Variants in SSC4D observed in about 807,000 individuals in gnomAD.
SSC4D encodes the protein scavenger receptor cysteine rich family member with 4 domains, also known as scavenger receptor cysteine-rich domain-containing group B protein.
Under a neutral mutation model 63.4 loss-of-function variants are expected in SSC4D, and 57 were observed. The ratio of observed to expected loss-of-function variants is 0.90; its 90% CI spans 0.73 to 1.12. The LOEUF (loss-of-function observed/expected upper bound fraction) is 1.12. Among genes scored for constraint, SSC4D ranks in the 50% most tolerant of loss-of-function variants. The probability of loss-of-function intolerance (pLI) is 0.00; values close to 1 mark genes in which losing one functional copy is unlikely to be tolerated. For synonymous variants in SSC4D, 352 were observed against 345.4 expected, an observed-to-expected ratio of 1.02 and a Z score of -0.21; for missense variants, 791 against 806.4, an observed-to-expected ratio of 0.98 and a Z score of 0.23.
At chr7:76,398,664 GGTGTGA>G in intron 5 of SSC4D, 50 bp downstream of exon 5, 1 of 1,538,514 alleles carries the variant, frequency 6.5e-7, no homozygotes, top group Non-Finnish European at 9.0e-7. Flanking sequence ...CCTAGGGTAG[GGTGTGA>G]GAGACTCCTC....
chr7:76,393,597 C>T lies in SSC4D; in HGVS notation c.1141G>A (p.Ala381Thr). ...DDWDFADARVACREAGCGPAL... is the reference protein window; with the variant it reads ...DDWDFADARVTCREAGCGPAL... ...GGCCCGCAGCCCGCTTCGCGGCAGG[C>T]CACGCGCGCGTCCGCAAAGTCCCAG... Residue 381 changes from alanine (A) to threonine (T), a missense_variant, in exon 9 of 11, where the codon GCC becomes ACC. By Grantham distance (58) the Ala-to-Thr change is moderately conservative. Transcript: ENST00000275560. 6.6e-7 allele frequency: 1 copy of T among 1,506,066 alleles called. No individual in the cohort carries two copies. The highest frequency in any genetic ancestry group is 8.8e-7 in the Non-Finnish European group (1 of 1,133,906). The allele number at this position is 1,506,066 out of a possible 1,614,324, so 93.3% of individuals were successfully genotyped here.
intron 4 of SSC4D, among the ~76,000 whole-genome samples, chr7:76,399,869 T>C (rs942282842): frequency 6.6e-6 from 1 of 152,108 alleles, no homozygotes; most frequent in African/African-American, 2.4e-5. Flanking sequence ...GTGGGGTGAC[T>C]TGGACCTGTA....
intron 2 of SSC4D, 70 bp downstream of exon 2, chr7:76,404,237 A>G: frequency 6.8e-7 from 1 of 1,464,034 alleles, no homozygotes; most frequent in Admixed American, 2.7e-5. Context: ...TCCTCCTACT[A>G]TAAAGTTACA....
chr7:76,391,987 AC>A lies in SSC4D; in HGVS notation c.1387del (p.Val463CysfsTer24). The A allele has an allele frequency of 6.3e-7, 1 of 1,594,860 alleles. No individual in the cohort carries two copies. The highest frequency in any genetic ancestry group is 1.8e-5 in the Admixed American group (1 of 56,954). Reference sequence around the variant, plus strand: ...ACCGTCCCTGGGCCGAGGAGTGGGCACCCGCGTGGTCTCAGAACCATCCTGC... The same window carrying A: ...ACCGTCCCTGGGCCGAGGAGTGGGCACCGCGTGGTCTCAGAACCATCCTGC... ...VQQDGSETTR[V>X]PTPRPRDGHL... On this transcript the variant is annotated frameshift_variant, in exon 10 of 11. Coordinates refer to ENST00000275560, the MANE Select transcript of SSC4D (RefSeq NM_080744.2). LOFTEE classifies it high-confidence loss of function.
At chr7:76,400,616 C>T in intron 3 of SSC4D, 25 bp from the exon 4 acceptor site, 1 of 1,432,500 alleles carries the variant, frequency 7.0e-7, no homozygotes, top group Non-Finnish European at 9.2e-7. Flanking sequence ...GAGCTGGCAC[C>T]AGGGGGTCAC....
At chr7:76,391,770 T>C (rs1387946290) in intron 10 of SSC4D, among the ~76,000 whole-genome samples, 194 bp downstream of exon 10, 1 of 152,188 alleles carries the variant, frequency 6.6e-6, no homozygotes, top group Non-Finnish European at 1.5e-5. Flanking sequence ...CAGATTGCTG[T>C]AGTTTAAAGC....
rs1563680895 is a variant in SSC4D, at chr7:76,394,750, T to TATATATATATATATATAAAATATGTATA, written c.946+502_946+503insTATACATATTTTATATATATATATATAT. Among the ~76,000 whole-genome samples the TATATATATATATATATAAAATATGTATA allele has an allele frequency of 2.3e-4, 9 of 39,816 alleles. 1 individual carries two copies. Among genetic ancestry groups the TATATATATATATATATAAAATATGTATA allele is most frequent in the African/African-American group, 9.1e-4 (6 of 6,580 alleles). The allele number at this position is 39,816 out of a possible 152,430, so 26.1% of individuals were successfully genotyped here. On this transcript the variant is annotated intron_variant, in intron 7 of 10. Transcript: ENST00000275560. ...GCAATTTAAATATATGTATGTATAA[T>TATATATATATATATATAAAATATGTATA]ATATATATATATATATATAAAATAT...
chr7:76,394,909 C>T (rs563319541), intron 7 of SSC4D, among the ~76,000 whole-genome samples: 3 of 132,034 alleles, frequency 2.3e-5, no homozygotes, highest in South Asian at 2.6e-4. Flanking sequence ...GGTCTAGCTA[C>T]GTTGCCCAGG....
At chr7:76,397,240 G>A (rs1336949871) in intron 6 of SSC4D, among the ~76,000 whole-genome samples, 5 of 152,092 alleles carry the variant, frequency 3.3e-5, no homozygotes, top group Admixed American at 6.6e-5. Flanking sequence ...GCACCACCAC[G>A]CCCGGCTAAT....
Position 76,395,245 on chromosome 7 carries a change from C to T in SSC4D, c.946+8G>A, listed in dbSNP as rs189767798. On this transcript the variant is annotated splice_region_variant and intron_variant, in intron 7 of 10. Transcript: ENST00000275560. ...TACCATTCCCGCCTGGAGGGCTGAG[C>T]TCTTTACCGGACGGATCTGTCTGCC... The T allele has an allele frequency of 2.3e-3, 3,657 of 1,613,662 alleles. 6 individuals are homozygous for T. The highest frequency in any genetic ancestry group is 2.9e-3 in the Non-Finnish European group (3,407 of 1,179,944).
chr7:76,393,584 G>A lies in SSC4D; in HGVS notation c.1154C>T (p.Ala385Val), dbSNP rs866180398. Residue 385 changes from alanine (A) to valine (V), a missense_variant, in exon 9 of 11, where the codon GCG becomes GTG. Ala to Val is a moderately conservative substitution (Grantham distance 64). Coordinates refer to ENST00000275560, the MANE Select transcript of SSC4D (RefSeq NM_080744.2). ...AGCGCCCAGCGCAGGCCCGCAGCCC[G>A]CTTCGCGGCAGGCCACGCGCGCGTC... ...FADARVACRE[A>V]GCGPALGATG... 7 of 1,510,614 alleles carry A rather than the reference G, an allele frequency of 4.6e-6. No individual in the cohort carries two copies. Among genetic ancestry groups the A allele is most frequent in the African/African-American group, 1.4e-5 (1 of 69,616 alleles). The allele number at this position is 1,510,614 out of a possible 1,614,324, so 93.6% of individuals were successfully genotyped here. A position where few individuals can be genotyped will look rare whatever the true frequency, so the allele number is the denominator to read the frequency against.
intron 7 of SSC4D, 88 bp from the exon 8 acceptor site, chr7:76,393,992 C>T: frequency 1.5e-6 from 2 of 1,340,376 alleles, no homozygotes; most frequent in East Asian, 2.6e-5. Flanking sequence ...ACCAAGACCC[C>T]CAACCCTACC....
intron 2 of SSC4D, among the ~76,000 whole-genome samples, chr7:76,404,069 G>C (rs1317373829): frequency 6.6e-6 from 1 of 152,000 alleles, no homozygotes; most frequent in African/African-American, 2.4e-5. Flanking sequence ...CCTTCCCTGT[G>C]CCCAGTGTCC....
rs143088512 is a variant in SSC4D, at chr7:76,395,246, T to G, written c.946+7A>C. ...ACCATTCCCGCCTGGAGGGCTGAGC[T>G]CTTTACCGGACGGATCTGTCTGCCA... On this transcript the variant is annotated splice_region_variant and intron_variant, in intron 7 of 10. Transcript: ENST00000275560. The G allele has an allele frequency of 1.7e-4, 272 of 1,613,620 alleles. 1 individual carries two copies. The East Asian group carries it at 5.3e-3, about 32-fold the overall frequency.
chr7:76,407,750 A>G (rs1805086409), intron 1 of SSC4D, among the ~76,000 whole-genome samples: 1 of 152,174 alleles, frequency 6.6e-6, no homozygotes, highest in Non-Finnish European at 1.5e-5. Context: ...AAAGAAAAAA[A>G]AAGTGCATAA....
Position 76,393,577 on chromosome 7 carries a change from G to T in SSC4D, c.1161C>A (p.Cys387Ter). The T allele has an allele frequency of 6.6e-7, 1 of 1,512,162 alleles. No homozygotes were observed. The highest frequency in any genetic ancestry group is 8.8e-7 in the Non-Finnish European group (1 of 1,136,878). The allele number at this position is 1,512,162 out of a possible 1,614,324, so 93.7% of individuals were successfully genotyped here. A position where few individuals can be genotyped will look rare whatever the true frequency, so the allele number is the denominator to read the frequency against. ...GTCCCGTAGCGCCCAGCGCAGGCCC[G>T]CAGCCCGCTTCGCGGCAGGCCACGC... ...DARVACREAG[C>*]GPALGATGLG... The change falls in exon 9 of 11, where the codon TGC (cysteine) becomes TGA (stop). Residue 387 changes from cysteine (C) to a stop codon, truncating the protein, a stop_gained. Transcript: ENST00000275560. LOFTEE classifies it high-confidence loss of function.
chr7:76,392,132 A>T, intron 9 of SSC4D, 91 bp from the exon 10 acceptor site: 2 of 1,321,076 alleles, frequency 1.5e-6, no homozygotes, highest in Non-Finnish European at 2.1e-6. Context: ...TCCCCAGGAA[A>T]GCCTGTCCTA....
intron 1 of SSC4D, among the ~76,000 whole-genome samples, chr7:76,405,519 A>T (rs1322520716): frequency 6.7e-6 from 1 of 150,100 alleles, no homozygotes; most frequent in Non-Finnish European, 1.5e-5. Context: ...ATGGTGACAC[A>T]TGTCTGTAGC....
Position 76,389,979 on chromosome 7 carries a change from A to C in SSC4D, c.*80T>G, listed in dbSNP as rs1469116050. ...AGGAGGGGCAAAGTGAACTGTAGTC[A>C]TCACAAGAGGAGGGCTTCCTGGAGG... On this transcript the variant is annotated 3_prime_UTR_variant, in exon 11 of 11. Coordinates refer to ENST00000275560, the MANE Select transcript of SSC4D (RefSeq NM_080744.2). 8.9e-6 allele frequency: 14 copies of C among 1,575,104 alleles called. No homozygotes were observed. Among genetic ancestry groups the C allele is most frequent in the Admixed American group, 1.7e-5 (1 of 58,700 alleles).
Sources: allele counts gnomAD v4.1 joint callset (sites outside exome capture counted in the v4.1 genomes callset), GRCh38; gene constraint gnomAD v4.1.1; transcripts MANE v1.5; gene names NCBI Gene and HGNC (gene_info 2026-07-23, HGNC 2026-07-21).